The following USP44 variants were observed in gnomAD, a reference collection of about 807,000 sequenced individuals.
The protein encoded by USP44 is ubiquitin specific peptidase 44, also known as ubiquitin carboxyl-terminal hydrolase 44.
A neutral mutation model predicts 69.0 loss-of-function variants in USP44; 61 were observed. The observed-to-expected ratio is 0.88, with a 90% CI of 0.72 to 1.09. The LOEUF (loss-of-function observed/expected upper bound fraction) is 1.09, where lower values mean the gene tolerates loss of function less well. USP44 is among the 50% of genes least tolerant of loss of function. The pLI, the probability that USP44 is intolerant of heterozygous loss-of-function variation, is 0.00. For synonymous variants in USP44, 297 were observed against 295.4 expected, an observed-to-expected ratio of 1.01 and a Z score of -0.06; for missense variants, 753 against 849.9, an observed-to-expected ratio of 0.89 and a Z score of 1.42.
At chr12:95,532,270 C>T (rs998246511) in intron 2 of USP44, among the ~76,000 whole-genome samples, 3 of 149,750 alleles carry the variant, frequency 2.0e-5, no homozygotes, top group East Asian at 2.0e-4. Context: ...TGGGTTCAAG[C>T]GATTCTCCTG....
At chr12:95,518,793 G>A (rs10777697) in intron 5 of USP44, among the ~76,000 whole-genome samples, 35,278 of 151,942 alleles carry the variant, frequency 0.23, 4,761 homozygotes, top group East Asian at 0.48. Context: ...ACAAAAATTC[G>A]CCAGGCGTGG....
rs564218912 is a variant in USP44, at chr12:95,522,141, A to G, written c.1734-939T>C. ...TGCTACGAGGGGAAAATAATGTAAC[A>G]TGGTAGTTCAAGAGATTATAATCCA... On this transcript the variant is annotated intron_variant, in intron 4 of 5. Transcript: ENST00000258499. 1.4e-5 allele frequency: 14 copies of G among 980,202 alleles called. No homozygotes were observed. The South Asian group carries it at 3.8e-4, about 26-fold the overall frequency. 60.7% of individuals were successfully genotyped at this position (980,202 alleles called of 1,614,324 possible).
At chr12:95,518,755 C>T (rs563331163) in intron 5 of USP44, among the ~76,000 whole-genome samples, 4 of 152,236 alleles carry the variant, frequency 2.6e-5, no homozygotes, top group African/African-American at 9.6e-5. Flanking sequence ...GCCTGGCCAA[C>T]ATGGTGAAAC....
In USP44 at chr12:95,541,485, G is replaced by C. The variant is rs1232180147; in HGVS notation, c.-70-7159C>G. Among the ~76,000 whole-genome samples the C allele has an allele frequency of 2.6e-5, 4 of 151,902 alleles. No individual in the cohort carries two copies. In the East Asian group the frequency reaches 7.7e-4, roughly 29 times the overall value. ...GCCCAGCTACTCGGGGGGCTGAGGT[G>C]GGAGGATCACCTAAGCATGGGGAGG... On this transcript the variant is annotated intron_variant, in intron 1 of 5. Coordinates refer to ENST00000258499, the MANE Select transcript of USP44 (RefSeq NM_032147.5).
At chr12:95,527,373 G>A (rs2076875292) in intron 3 of USP44, among the ~76,000 whole-genome samples, 1 of 151,830 alleles carries the variant, frequency 6.6e-6, no homozygotes, top group South Asian at 2.1e-4. Context: ...GGGATTACAG[G>A]TGTGAGCCAC....
intron 4 of USP44, 122 bp from the exon 5 acceptor site, chr12:95,521,324 A>T: frequency 1.1e-6 from 1 of 901,378 alleles, no homozygotes; most frequent in Non-Finnish European, 1.7e-6. Context: ...TATGTAATAT[A>T]AAATGATGTC....
intron 4 of USP44, 101 bp from the exon 5 acceptor site, chr12:95,521,303 A>G: frequency 9.7e-7 from 1 of 1,031,966 alleles, no homozygotes; most frequent in Admixed American, 1.8e-5. Flanking sequence ...AGCATGGAAT[A>G]CAAAGTATCA....
chr12:95,541,421 T>C (rs912923609), intron 1 of USP44, among the ~76,000 whole-genome samples: 1 of 151,844 alleles, frequency 6.6e-6, no homozygotes, highest in Non-Finnish European at 1.5e-5. Flanking sequence ...TGAAACAAAA[T>C]ATGCAAAATT....
chr12:95,522,224 G>T, intron 4 of USP44: 1 of 452,590 alleles, frequency 2.2e-6, no homozygotes, highest in Non-Finnish European at 2.9e-6. Context: ...TAGTAGTAAA[G>T]TACTAAAACA....
intron 1 of USP44, among the ~76,000 whole-genome samples, chr12:95,544,205 C>A (rs2077498409): frequency 6.6e-6 from 1 of 150,876 alleles, no homozygotes; most frequent in Admixed American, 6.6e-5. Flanking sequence ...CAGGCGCCCG[C>A]CACCATGCCC....
chr12:95,536,930 T>C (rs2077224973), intron 1 of USP44, among the ~76,000 whole-genome samples: 1 of 152,180 alleles, frequency 6.6e-6, no homozygotes, highest in South Asian at 2.1e-4. Context: ...CTCAGAGAAT[T>C]ACTTGCCCTA....
At chr12:95,538,453 G>A (rs2077276239) in intron 1 of USP44, among the ~76,000 whole-genome samples, 1 of 151,804 alleles carries the variant, frequency 6.6e-6, no homozygotes, top group South Asian at 2.1e-4. Flanking sequence ...AGCCAAATGT[G>A]TACTAAGCCC....
chr12:95,542,455 T>G (rs1017183795), intron 1 of USP44, among the ~76,000 whole-genome samples: 1 of 152,188 alleles, frequency 6.6e-6, no homozygotes, highest in African/African-American at 2.4e-5. Context: ...TCATCCTCTT[T>G]ATGATATTTG....
At chr12:95,543,406 C>CAAAAAAAAAAAAAAAAA (rs60127958) in intron 1 of USP44, among the ~76,000 whole-genome samples, 2 of 43,174 alleles carry the variant, frequency 4.6e-5, no homozygotes, top group East Asian at 6.6e-4. Context: ...GACTCTTTCT[C>CAAAAAAAAAAAAAAAAA]AAAAAAAAAA....
intron 1 of USP44, chr12:95,546,912 A>G (rs921306458): frequency 6.6e-6 from 1 of 152,240 alleles, no homozygotes; most frequent in Non-Finnish European, 1.5e-5. Flanking sequence ...AAACGCTGTA[A>G]TAGATTCAAG....
intron 5 of USP44, among the ~76,000 whole-genome samples, chr12:95,520,567 T>C (rs1416784370): frequency 6.6e-6 from 1 of 152,196 alleles, no homozygotes. Context: ...TAGACTATCC[T>C]AGAAGGCAGA....
chr12:95,545,900 T>G (rs141252804), intron 1 of USP44, among the ~76,000 whole-genome samples: 1 of 152,166 alleles, frequency 6.6e-6, no homozygotes, highest in Non-Finnish European at 1.5e-5. Flanking sequence ...AGATCTAGAA[T>G]CTATAATTAC....
At chr12:95,518,784 C>T (rs1378555893) in intron 5 of USP44, among the ~76,000 whole-genome samples, 1 of 152,008 alleles carries the variant, frequency 6.6e-6, no homozygotes, top group African/African-American at 2.4e-5. Context: ...ACTAAAAATA[C>T]AAAAATTCGC....
intron 1 of USP44, among the ~76,000 whole-genome samples, chr12:95,544,280 C>A (rs1466040624): frequency 6.6e-6 from 1 of 151,900 alleles, no homozygotes; most frequent in Non-Finnish European, 1.5e-5. Context: ...TGGTCTCGAT[C>A]TCCTGACCTT....
Sources: gnomAD v4.1 joint callset for allele counts (sites outside exome capture counted in the v4.1 genomes callset) on GRCh38, gnomAD v4.1.1 for gene constraint, MANE v1.5 for transcripts, NCBI Gene and HGNC (gene_info 2026-07-23, HGNC 2026-07-21) for gene names.